Variants in KCNH1 observed in about 807,000 individuals in gnomAD.
KCNH1 encodes the protein voltage-gated delayed rectifier potassium channel KCNH1.
KCNH1 carries 27 observed loss-of-function variants against 69.2 expected under a neutral mutation model. The observed-to-expected ratio is 0.39, with a 90% CI of 0.29 to 0.54. KCNH1 has a LOEUF of 0.54. Ranked by LOEUF, KCNH1 falls within the 20% of genes least tolerant of loss-of-function variation. The pLI is 0.68. For missense variants in KCNH1, 798 were observed against 1,261.6 expected (o/e 0.63, Z 5.57); for synonymous variants, 456 against 487.7 (o/e 0.93, Z 0.86).
intron 5 of KCNH1, among the ~76,000 whole-genome samples, chr1:211,070,590 A>C (rs977217206): frequency 2.0e-5 from 3 of 151,556 alleles, no homozygotes; most frequent in African/African-American, 7.3e-5. Context: ...TTGGGAGGCC[A>C]AGGCAGGCAG....
intron 6 of KCNH1, among the ~76,000 whole-genome samples, chr1:210,954,367 A>G (rs1293332136): frequency 6.6e-6 from 1 of 152,118 alleles, no homozygotes; most frequent in Admixed American, 6.6e-5. Flanking sequence ...ATAAACATAT[A>G]TGTGCATGTG....
At chr1:211,110,533 A>C (rs1538289) in intron 1 of KCNH1, among the ~76,000 whole-genome samples, 35,775 of 152,086 alleles carry the variant, frequency 0.24, 4,920 homozygotes, top group African/African-American at 0.38. Context: ...TGTAGGAATA[A>C]GGTAAGCACC....
At chr1:210,931,212 C>T (rs920988709) in intron 6 of KCNH1, among the ~76,000 whole-genome samples, 1 of 152,160 alleles carries the variant, frequency 6.6e-6, no homozygotes, top group African/African-American at 2.4e-5. Flanking sequence ...GATACTTGCA[C>T]ACACATATTT....
chr1:210,732,817 G>A (rs942022766), intron 10 of KCNH1, among the ~76,000 whole-genome samples: 1 of 152,186 alleles, frequency 6.6e-6, no homozygotes, highest in Non-Finnish European at 1.5e-5. Flanking sequence ...TCCCATTTAT[G>A]AGGGCAGAGC....
chr1:210,756,028 G>A (rs1683392294), intron 10 of KCNH1, among the ~76,000 whole-genome samples: 1 of 152,126 alleles, frequency 6.6e-6, no homozygotes, highest in Non-Finnish European at 1.5e-5. Context: ...TGCATGGCAC[G>A]CTGCTAGCTA....
intron 6 of KCNH1, among the ~76,000 whole-genome samples, chr1:210,986,565 A>G (rs1688839713): frequency 6.6e-6 from 1 of 152,130 alleles, no homozygotes; most frequent in South Asian, 2.1e-4. Flanking sequence ...CTGGATATGA[A>G]ATTCTTGGTT....
At chr1:210,738,221 T>C (rs914605836) in intron 10 of KCNH1, among the ~76,000 whole-genome samples, 4 of 152,200 alleles carry the variant, frequency 2.6e-5, no homozygotes, top group African/African-American at 9.6e-5. Flanking sequence ...GTCTTCTCCT[T>C]CAATGAATCT....
rs1684582059 is a variant in KCNH1, at chr1:210,806,827, A to T, written c.1463-2661T>A. Among the ~76,000 whole-genome samples the T allele has an allele frequency of 1.1e-4, 7 of 64,074 alleles. 2 individuals carry two copies. Among genetic ancestry groups the T allele is most frequent in the Non-Finnish European group, 1.3e-4 (4 of 31,870 alleles). 42.0% of individuals were successfully genotyped at this position (64,074 alleles called of 152,430 possible). A position where few individuals can be genotyped will look rare whatever the true frequency, so the allele number is the denominator to read the frequency against. Reference sequence around the variant, plus strand: ...TCTACCAAAAAAAAAAAAAAAAAAAAAAAAAAAAAATATATATATATATAT... The same window carrying T: ...TCTACCAAAAAAAAAAAAAAAAAAATAAAAAAAAAATATATATATATATAT... On this transcript the variant is annotated intron_variant, in intron 7 of 10. Coordinates refer to ENST00000271751, the MANE Select transcript of KCNH1 (RefSeq NM_172362.3).
chr1:210,721,374 C>T (rs1250851010), intron 10 of KCNH1, among the ~76,000 whole-genome samples: 1 of 152,156 alleles, frequency 6.6e-6, no homozygotes, highest in African/African-American at 2.4e-5. Context: ...GAGTTCTGCT[C>T]ACAAAGGCTT....
chr1:210,766,471 G>A (rs542881564), intron 10 of KCNH1, among the ~76,000 whole-genome samples: 1 of 152,178 alleles, frequency 6.6e-6, no homozygotes, highest in African/African-American at 2.4e-5. Context: ...GTTGCGGTAA[G>A]CCAAGATCAT....
At position 210,738,031 on chromosome 1, in the gene KCNH1, A is replaced by T. The variant is rs187389233; in HGVS notation, c.2112+37317T>A. Among the ~76,000 whole-genome samples the T allele has an allele frequency of 2.6e-3, 394 of 152,300 alleles. 2 individuals carry two copies. The highest frequency in any genetic ancestry group is 8.8e-3 in the African/African-American group (365 of 41,576). ...GTCCATGCATTGGCCTGTAATATGT[A>T]TCAGTTCTAGGCCCACAAGAATGAG... On this transcript the variant is annotated intron_variant, in intron 10 of 10. Coordinates refer to ENST00000271751, the MANE Select transcript of KCNH1 (RefSeq NM_172362.3).
intron 7 of KCNH1, among the ~76,000 whole-genome samples, chr1:210,888,983 G>A (rs892818465): frequency 6.6e-6 from 1 of 152,128 alleles, no homozygotes; most frequent in African/African-American, 2.4e-5. Context: ...GTACAAAGAG[G>A]AGCCGTTACC....
chr1:211,039,381 T>A (rs190909965), intron 5 of KCNH1, among the ~76,000 whole-genome samples: 1,695 of 152,206 alleles, frequency 0.011, 35 homozygotes, highest in African/African-American at 0.038. Context: ...GGAAGGGAAA[T>A]GTGGGGTCAG....
At chr1:210,841,433 A>T (rs1484949711) in intron 7 of KCNH1, among the ~76,000 whole-genome samples, 1 of 152,204 alleles carries the variant, frequency 6.6e-6, no homozygotes, top group African/African-American at 2.4e-5. Flanking sequence ...CTCCCTGCAC[A>T]GCAAATGCTG....
intron 7 of KCNH1, among the ~76,000 whole-genome samples, chr1:210,886,664 A>T (rs983178362): frequency 1.3e-5 from 2 of 152,118 alleles, no homozygotes; most frequent in Non-Finnish European, 2.9e-5. Flanking sequence ...AAGTTGGATG[A>T]ATTGCTAACT....
chr1:210,790,320 A>T (rs1684188098), intron 9 of KCNH1, among the ~76,000 whole-genome samples: 1 of 152,132 alleles, frequency 6.6e-6, no homozygotes, highest in Non-Finnish European at 1.5e-5. Context: ...ACAAGTCAAA[A>T]TGAAGCTCAC....
intron 1 of KCNH1, chr1:211,132,726 T>C (rs1294406758): frequency 6.6e-6 from 1 of 152,172 alleles, no homozygotes; most frequent in Non-Finnish European, 1.5e-5. Context: ...TACACATTAT[T>C]AAAACCCATT....
intron 10 of KCNH1, among the ~76,000 whole-genome samples, chr1:210,698,843 G>A (rs1393512902): frequency 1.3e-5 from 2 of 152,220 alleles, no homozygotes; most frequent in African/African-American, 4.8e-5. Context: ...CAGAGCCTGA[G>A]GGCTGCAGCG....
At chr1:211,031,565 A>G (rs1053499629) in intron 5 of KCNH1, among the ~76,000 whole-genome samples, 7 of 152,200 alleles carry the variant, frequency 4.6e-5, no homozygotes, top group Admixed American at 1.3e-4. Context: ...TGAAACCATG[A>G]TCAAGTGGGC....
Sources: gnomAD v4.1 joint callset for allele counts (sites outside exome capture counted in the v4.1 genomes callset) on GRCh38, gnomAD v4.1.1 for gene constraint, MANE v1.5 for transcripts, NCBI Gene and HGNC (gene_info 2026-07-23, HGNC 2026-07-21) for gene names.